Variants in TUSC3 observed in about 807,000 individuals in gnomAD.
TUSC3 encodes dolichyl-diphosphooligosaccharide--protein glycosyltransferase subunit TUSC3.
In TUSC3, 45 loss-of-function variants were observed where a neutral mutation model predicts 44.8. The observed-to-expected ratio is 1.00, with a 90% CI of 0.79 to 1.29. TUSC3 has a LOEUF of 1.29. Ranked by LOEUF, TUSC3 falls within the 50% of genes most tolerant of loss-of-function variation. TUSC3 has a pLI of 0.00. For missense variants in TUSC3, 519 were observed against 437.9 expected, an observed-to-expected ratio of 1.19 and a Z score of -1.65; for synonymous variants, 212 against 152.9, an observed-to-expected ratio of 1.39 and a Z score of -2.85.
Position 15,662,300 on chromosome 8 carries a change from T to G in TUSC3, c.708+4T>G. 6.2e-7 allele frequency: 1 copy of G among 1,612,662 alleles called. No homozygotes were observed. The highest frequency in any genetic ancestry group is 8.5e-7 in the Non-Finnish European group (1 of 1,178,912). Reference sequence around the variant, plus strand: ...TGGTTGGGCCATGGTGTCTCTGGTATGTTAATACATTGTGCTTTTTTTATT... The same window carrying G: ...TGGTTGGGCCATGGTGTCTCTGGTAGGTTAATACATTGTGCTTTTTTTATT... On this transcript the variant is annotated splice_donor_region_variant and intron_variant, in intron 5 of 10. Coordinates refer to ENST00000503731, the MANE Select transcript of TUSC3 (RefSeq NM_006765.4).
the TUSC3 span, among the ~76,000 whole-genome samples, chr8:15,798,221 T>C: frequency 6.6e-6 from 1 of 152,182 alleles, no homozygotes; most frequent in Admixed American, 6.6e-5. Flanking sequence ...CAACAGAACA[T>C]TGAATAGACC....
chr8:15,653,146 G>GC (rs1281217766), intron 3 of TUSC3, among the ~76,000 whole-genome samples: 3 of 152,106 alleles, frequency 2.0e-5, no homozygotes, highest in Non-Finnish European at 2.9e-5. Flanking sequence ...AGAACACCAT[G>GC]CATCTGATCC....
intron 1 of TUSC3, among the ~76,000 whole-genome samples, chr8:15,593,778 T>G (rs528076779): frequency 2.0e-5 from 3 of 152,288 alleles, no homozygotes; most frequent in East Asian, 3.9e-4. Flanking sequence ...CTTTGATTCT[T>G]TATGCTCTGT....
At position 15,654,852 on chromosome 8, in the gene TUSC3, G is replaced by C. The variant is rs76963802; in HGVS notation, c.426+4038G>C. Among the ~76,000 whole-genome samples the C allele has an allele frequency of 3.1e-3, 472 of 152,146 alleles. 2 individuals are homozygous for C. Among genetic ancestry groups the C allele is most frequent in the Non-Finnish European group, 4.6e-3 (313 of 68,006 alleles). The stretch of plus-strand genomic sequence containing the variant: ...CATTAAATGGAGATAGAGTTCAGAA[G>C]GTATTATGATATCCTGGTAATGAAG... On this transcript the variant is annotated intron_variant, in intron 3 of 10. Transcript: ENST00000503731.
chr8:15,538,969 G>C (rs1286243585), upstream of TUSC3, among the ~76,000 whole-genome samples: 1 of 151,320 alleles, frequency 6.6e-6, no homozygotes, highest in Non-Finnish European at 1.5e-5. Context: ...TCCAGCCTCA[G>C]TCTTGGAATA....
At chr8:15,616,158 A>ACT (rs1373973084) in intron 1 of TUSC3, among the ~76,000 whole-genome samples, 1 of 151,248 alleles carries the variant, frequency 6.6e-6, no homozygotes, top group African/African-American at 2.4e-5. Context: ...CTCTTAAAGA[A>ACT]TAAAAGTAGA....
rs747372802 is a variant in TUSC3 at position 15,434,010 on chromosome 8, AT to A, written n.91+16706del. Among the ~76,000 whole-genome samples, 41 of 152,178 alleles carry A rather than the reference AT, an allele frequency of 2.7e-4. 1 individual carries two copies. The highest frequency in any genetic ancestry group is 5.6e-4 in the Non-Finnish European group (38 of 68,040). The stretch of plus-strand genomic sequence containing the variant: ...AATTACTGTGTCATATACTAAGTAT[AT>A]ATTTAACTTCATGAGAAACTAAACA... On this transcript the variant is annotated intron_variant and non_coding_transcript_variant, in intron 1 of 5. Transcript: ENST00000503191.
intron 5 of TUSC3, among the ~76,000 whole-genome samples, chr8:15,663,895 T>G (rs1442440415): frequency 6.6e-6 from 1 of 151,882 alleles, no homozygotes; most frequent in Non-Finnish European, 1.5e-5. Context: ...AAATCAAAAC[T>G]TCTTTGGTAT....
intron 5 of TUSC3, among the ~76,000 whole-genome samples, chr8:15,667,481 T>A (rs1348123315): frequency 6.6e-6 from 1 of 151,696 alleles, no homozygotes; most frequent in Admixed American, 6.6e-5. Flanking sequence ...TATTAAGTAA[T>A]GTCATTAAAT....
intron 2 of TUSC3, among the ~76,000 whole-genome samples, chr8:15,630,740 A>G (rs1805723552): frequency 6.6e-6 from 1 of 152,186 alleles, no homozygotes; most frequent in East Asian, 1.9e-4. Flanking sequence ...CTCCGCCAGC[A>G]TATCCTAAAC....
chr8:15,583,917 A>G lies in TUSC3; in HGVS notation c.139-39163A>G, dbSNP rs146930365. On this transcript the variant is annotated intron_variant, in intron 1 of 10. Transcript: ENST00000503731. ...TTGGAAGGAAAAATCAGGAAAGGAA[A>G]TAAGAGGAGTAGCACCTTAGTAAGC... 1.8e-3 allele frequency among the ~76,000 whole-genome samples: 272 copies of G among 152,342 alleles called. 1 individual carries two copies. The highest frequency in any genetic ancestry group is 6.3e-3 in the African/African-American group (262 of 41,594).
chr8:15,724,733 A>G (rs1414942995), intron 6 of TUSC3, among the ~76,000 whole-genome samples: 1 of 152,122 alleles, frequency 6.6e-6, no homozygotes, highest in African/African-American at 2.4e-5. Context: ...GGCTGAAAGG[A>G]TTTACACTAG....
At chr8:15,565,711 T>C (rs1802642198) in intron 1 of TUSC3, among the ~76,000 whole-genome samples, 1 of 152,002 alleles carries the variant, frequency 6.6e-6, no homozygotes, top group South Asian at 2.1e-4. Context: ...CATGCAGTGG[T>C]TTCTGTTTTC....
At chr8:15,631,909 G>C (rs534328814) in intron 2 of TUSC3, among the ~76,000 whole-genome samples, 1 of 151,922 alleles carries the variant, frequency 6.6e-6, no homozygotes, top group African/African-American at 2.4e-5. Flanking sequence ...GGGTTTCAGC[G>C]TGTTGGCCAG....
intron 2 of TUSC3, among the ~76,000 whole-genome samples, chr8:15,495,191 C>G (rs1223796371): frequency 1.3e-5 from 2 of 152,142 alleles, no homozygotes; most frequent in African/African-American, 2.4e-5. Context: ...ATCTTCCACC[C>G]TTTAGATAAT....
intron 2 of TUSC3, among the ~76,000 whole-genome samples, chr8:15,492,076 A>G (rs1800816633): frequency 6.6e-6 from 1 of 151,930 alleles, no homozygotes; most frequent in South Asian, 2.1e-4. Flanking sequence ...TGTCTTACTC[A>G]CTGACTTATT....
At chr8:15,433,708 C>T (rs1055914667) in intron 1 of TUSC3, among the ~76,000 whole-genome samples, 14 of 152,214 alleles carry the variant, frequency 9.2e-5, no homozygotes, top group African/African-American at 3.4e-4. Flanking sequence ...CACATACTCA[C>T]TTTGCCTGCC....
chr8:15,737,230 A>C (rs557126532), intron 7 of TUSC3, among the ~76,000 whole-genome samples: 95 of 151,400 alleles, frequency 6.3e-4, no homozygotes, highest in African/African-American at 2.2e-3. Context: ...AGAATTCTTT[A>C]AGTAAGTCTT....
intron 1 of TUSC3, among the ~76,000 whole-genome samples, chr8:15,587,294 C>T (rs958563456): frequency 6.6e-6 from 1 of 152,048 alleles, no homozygotes; most frequent in Admixed American, 6.6e-5. Flanking sequence ...TAAAAAACTT[C>T]TTTCTGGATT....
Sources: gnomAD v4.1 joint callset for allele counts (sites outside exome capture counted in the v4.1 genomes callset) on GRCh38, gnomAD v4.1.1 for gene constraint, MANE v1.5 for transcripts, NCBI Gene and HGNC (gene_info 2026-07-23, HGNC 2026-07-21) for gene names.